The following FLT4 variants were observed in gnomAD, a reference collection of about 807,000 sequenced individuals.
The protein encoded by FLT4 is vascular endothelial growth factor receptor 3.
Under a neutral mutation model 163.2 loss-of-function variants are expected in FLT4, and 30 were observed. That is an observed-to-expected ratio of 0.18 (90% CI 0.14 to 0.25). FLT4 has a LOEUF of 0.25. FLT4 is among the 10% of genes least tolerant of loss of function. The pLI, the probability that FLT4 is intolerant of heterozygous loss-of-function variation, is 1.00. For synonymous variants in FLT4, 884 were observed against 789.5 expected, an observed-to-expected ratio of 1.12 and a Z score of -2.01; for missense variants, 1,510 against 1,863.8, an observed-to-expected ratio of 0.81 and a Z score of 3.50.
At position 180,620,680 on chromosome 5, in the gene FLT4, G is replaced by A. The variant is rs1438098797; in HGVS notation, c.2335C>T (p.Leu779Phe). The change falls in exon 16 of 30, where the codon CTT becomes TTT. Residue 779 changes from leucine (L) to phenylalanine (F), a missense_variant. By Grantham distance (22) the Leu-to-Phe change is conservative (BLOSUM62 0). Coordinates refer to ENST00000261937, the MANE Select transcript of FLT4 (RefSeq NM_182925.5). This position sits in a 1 kb window ranked among gnomAD's most constrained non-coding sequence, Gnocchi z 4.4. Reference sequence around the variant, plus strand: ...ACAGCGATGACGCCGGTACCGACAAGGATCACGATCTCCATGCTGCCCTTA... The same window carrying A: ...ACAGCGATGACGCCGGTACCGACAAAGATCACGATCTCCATGCTGCCCTTA... ...EDKGSMEIVILVGTGVIAVFF... is the reference protein window; with the variant it reads ...EDKGSMEIVIFVGTGVIAVFF... 3.1e-6 allele frequency: 5 copies of A among 1,613,648 alleles called. No individual in the cohort carries two copies. The highest frequency in any genetic ancestry group is 2.2e-5 in the East Asian group (1 of 44,862).
chr5:180,603,052 TG>T lies in FLT4; in HGVS notation c.*139del. 1.2e-6 allele frequency: 1 copy of T among 836,024 alleles called. No homozygotes were observed. Among genetic ancestry groups the T allele is most frequent in the Non-Finnish European group, 2.0e-6 (1 of 510,538 alleles). 51.8% of individuals were successfully genotyped at this position (836,024 alleles called of 1,614,324 possible). On this transcript the variant is annotated 3_prime_UTR_variant, in exon 30 of 30. Transcript: ENST00000261937. ...GGCCTGGAGTCCTGCTCTTCCTAGC[TG>T]GGAAGTCTGCAGAGAGGGAAGAGGA...
rs964405156 is a variant in FLT4 at position 180,645,872 on chromosome 5, C to T, written c.58+3616G>A. Among the ~76,000 whole-genome samples the T allele has an allele frequency of 3.9e-5, 6 of 152,174 alleles. No individual in the cohort carries two copies. In the East Asian group the frequency reaches 1.2e-3, roughly 29 times the overall value. On this transcript the variant is annotated intron_variant, in intron 1 of 29. Coordinates refer to ENST00000261937, the MANE Select transcript of FLT4 (RefSeq NM_182925.5). ...ACACTGACTGAATCTTGCTCAGAGTCTAGGGGGTGTGAGAGGCTCTCCAGA... is the reference window on the plus strand; with the variant it reads ...ACACTGACTGAATCTTGCTCAGAGTTTAGGGGGTGTGAGAGGCTCTCCAGA...
At chr5:180,632,753 TTG>T (rs1244393422) in intron 1 of FLT4, among the ~76,000 whole-genome samples, 1 of 152,116 alleles carries the variant, frequency 6.6e-6, no homozygotes, top group African/African-American at 2.4e-5. Context: ...GCATGCATGT[TTG>T]TGTATCTCGG....
At chr5:180,608,238 A>C (rs1761912951) in intron 29 of FLT4, 2 of 700,826 alleles carry the variant, frequency 2.9e-6, no homozygotes, top group Non-Finnish European at 5.2e-6. Context: ...AAGTGCAGAG[A>C]AGAAAATGCT....
intron 18 of FLT4, 26 bp from the exon 19 acceptor site, chr5:180,619,392 G>GT: frequency 6.6e-7 from 1 of 1,510,416 alleles, no homozygotes. Flanking sequence ...GCCTCACACC[G>GT]GCCCCGACCC....
rs1400591701 is a variant in FLT4 at position 180,611,571 on chromosome 5, G to A, written c.3538-92C>T. 2.9e-5 allele frequency: 38 copies of A among 1,302,102 alleles called. No individual in the cohort carries two copies. The Admixed American group carries it at 8.9e-4, about 31-fold the overall frequency. The allele number at this position is 1,302,102 out of a possible 1,614,324, so 80.7% of individuals were successfully genotyped here. The stretch of plus-strand genomic sequence containing the variant: ...CCCTCAGCCCTCACCCCCGCCCTCA[G>A]CCCTCACCCCCGCCCTCAGCCCTCG... On this transcript the variant is annotated intron_variant, in intron 26 of 29. Coordinates refer to ENST00000261937, the MANE Select transcript of FLT4 (RefSeq NM_182925.5).
At chr5:180,616,773 C>T (rs1445516157) in intron 22 of FLT4, 127 bp downstream of exon 22, 1 of 898,790 alleles carries the variant, frequency 1.1e-6, no homozygotes, top group Non-Finnish European at 1.9e-6. Flanking sequence ...GTTTCCTCCT[C>T]TGCAAAGTGG....
intron 1 of FLT4, among the ~76,000 whole-genome samples, chr5:180,643,562 C>T (rs748872995): frequency 7.2e-5 from 11 of 152,152 alleles, no homozygotes; most frequent in Non-Finnish European, 1.3e-4. Flanking sequence ...CTTTCTAGAA[C>T]ACAAGTCCCT....
At chr5:180,612,093 C>G (rs1762248860) in intron 26 of FLT4, among the ~76,000 whole-genome samples, 1 of 152,226 alleles carries the variant, frequency 6.6e-6, no homozygotes, top group African/African-American at 2.4e-5. Flanking sequence ...CCTGGAGGAG[C>G]ACCACGTGGG....
Position 180,618,915 on chromosome 5 carries a change from CTT to C in FLT4, c.2854_2855del (p.Lys952ValfsTer50). ...GGAAGCGTCCGCGCTGCTCGGGAGA[CTT>C]CTCCTGCGGATGCACGAAGCTGGCT... is the stretch of plus-strand genomic sequence containing the variant. ...KRDAFSPCAE[K>X]SPEQRGRFRA... On this transcript the variant is annotated frameshift_variant, in exon 21 of 30. Transcript: ENST00000261937. LOFTEE classifies it high-confidence loss of function. The C allele has an allele frequency of 6.3e-7, 1 of 1,585,692 alleles. No individual in the cohort carries two copies. Among genetic ancestry groups the C allele is most frequent in the Non-Finnish European group, 8.6e-7 (1 of 1,166,872 alleles).
intron 1 of FLT4, among the ~76,000 whole-genome samples, chr5:180,644,756 C>T (rs915515792): frequency 1.3e-5 from 2 of 152,262 alleles, no homozygotes; most frequent in African/African-American, 2.4e-5. Flanking sequence ...GTGCATGTGC[C>T]GGTGCACGCT....
Position 180,630,857 on chromosome 5 carries a change from T to G in FLT4, c.156-58A>C. 1 of 1,537,036 alleles carries G rather than the reference T, an allele frequency of 6.5e-7. No homozygotes were observed. The highest frequency in any genetic ancestry group is 8.7e-7 in the Non-Finnish European group (1 of 1,146,434). ...CAGGGCAGCCCATGGGGACTGTCCC[T>G]GAGAAGCCTCCCTCAGGCCGAGCCT... On this transcript the variant is annotated intron_variant, in intron 2 of 29. Coordinates refer to ENST00000261937, the MANE Select transcript of FLT4 (RefSeq NM_182925.5). This position sits in a 1 kb window ranked among gnomAD's most constrained non-coding sequence, Gnocchi z 6.3.
At chr5:180,638,852 T>G (rs945082919) in intron 1 of FLT4, among the ~76,000 whole-genome samples, 1 of 152,242 alleles carries the variant, frequency 6.6e-6, no homozygotes, top group African/African-American at 2.4e-5. Context: ...TTTGTTTAAG[T>G]TATATCTGTC....
chr5:180,641,726 C>T (rs1286086559), intron 1 of FLT4, among the ~76,000 whole-genome samples: 1 of 152,218 alleles, frequency 6.6e-6, no homozygotes, highest in East Asian at 1.9e-4. Context: ...GCTGTCGGTC[C>T]TCACTGCACA....
At position 180,603,310 on chromosome 5, in the gene FLT4, CCCCG is replaced by C; in HGVS notation, c.3970_3973del (p.Arg1324GlyfsTer31). 6.2e-7 allele frequency: 1 copy of C among 1,614,016 alleles called. No homozygotes were observed. The highest frequency in any genetic ancestry group is 8.5e-7 in the Non-Finnish European group (1 of 1,179,974). ...GTAAAACACCTGGCCTCCTCGGGCCCCCCGCTCAGGCCGCCGCCGCCTCCCTTGG... is the reference window on the plus strand; with the variant it reads ...GTAAAACACCTGGCCTCCTCGGGCCCCTCAGGCCGCCGCCGCCTCCCTTGG... On this transcript the variant is annotated frameshift_variant, in exon 30 of 30. Transcript: ENST00000261937. LOFTEE classifies it low-confidence loss of function (END_TRUNC).
rs150819165 is a variant in FLT4 at position 180,623,975 on chromosome 5, C to A, written c.1508G>T (p.Ser503Ile). The A allele has an allele frequency of 3.1e-6, 5 of 1,613,662 alleles. No homozygotes were observed. Among genetic ancestry groups the A allele is most frequent in the Non-Finnish European group, 2.5e-6 (3 of 1,180,006 alleles). The change falls in exon 11 of 30, where the codon AGC becomes ATC. Residue 503 changes from serine (S) to isoleucine (I), a missense_variant. By Grantham distance (142) the Ser-to-Ile change is moderately radical. Around this residue, in one of 5 missense-constraint regions of FLT4, gnomAD observed 878 missense variants for 1,016.7 expected, o/e 0.86. Coordinates refer to ENST00000261937, the MANE Select transcript of FLT4 (RefSeq NM_182925.5). The surrounding 1 kb of genome is among the most constrained non-coding windows in gnomAD (Gnocchi z 5.8). ...TTQDAVNPIE[S>I]LDTWTEFVEG... is the part of the protein sequence containing the mutation. ...CACAAACTCGGTCCAGGTGTCCAGG[C>A]TCTCGATGGGGTTCACGGCATCCTG...
rs146958861 is a variant in FLT4 at position 180,606,916 on chromosome 5, C to CAA, written c.3893+2050_3893+2051dup. 1.0e-3 allele frequency among the ~76,000 whole-genome samples: 144 copies of CAA among 138,916 alleles called. 1 individual carries two copies. The highest frequency in any genetic ancestry group is 3.9e-3 in the African/African-American group (140 of 36,014). The allele number at this position is 138,916 out of a possible 152,430, so 91.1% of individuals were successfully genotyped here. The stretch of plus-strand genomic sequence containing the variant: ...ACTAAAAAAAAAAAAAAAAAAAAAA[C>CAA]AAACAAACAAACTTAGCTGGGCGTG... On this transcript the variant is annotated intron_variant, in intron 29 of 29. Coordinates refer to ENST00000261937, the MANE Select transcript of FLT4 (RefSeq NM_182925.5).
chr5:180,603,887 G>C (rs1761650911), intron 29 of FLT4, among the ~76,000 whole-genome samples: 3 of 148,170 alleles, frequency 2.0e-5, no homozygotes, highest in Non-Finnish European at 3.0e-5. Flanking sequence ...CTGGGCGACA[G>C]AGTGAGACTC....
chr5:180,629,914 T>C, intron 5 of FLT4, 29 bp downstream of exon 5: 1 of 1,612,508 alleles, frequency 6.2e-7, no homozygotes, highest in Non-Finnish European at 8.5e-7. Flanking sequence ...GACAGCCCCG[T>C]TACTGGGAAC....
Sources: allele counts gnomAD v4.1 joint callset (sites outside exome capture counted in the v4.1 genomes callset), GRCh38; gene constraint gnomAD v4.1.1; regional missense constraint gnomAD v4.1.1; non-coding constraint Gnocchi (gnomAD v3.1); transcripts MANE v1.5; gene names NCBI Gene and HGNC (gene_info 2026-07-23, HGNC 2026-07-21).